Variants in ISM1 observed in about 807,000 individuals in gnomAD.
The protein encoded by ISM1 is isthmin-1.
ISM1 carries 25 observed loss-of-function variants against 46.3 expected under a neutral mutation model. The observed-to-expected ratio is 0.54, with a 90% CI of 0.39 to 0.75. The LOEUF is 0.75. Among genes scored for constraint, ISM1 ranks in the 30% least tolerant of loss-of-function variants. The pLI is 0.00. For missense variants in ISM1, 536 were observed against 625.4 expected (o/e 0.86, Z 1.52); for synonymous variants, 255 against 256.7 (o/e 0.99, Z 0.06).
At chr20:13,277,218 G>A (rs1319843314) in intron 2 of ISM1, among the ~76,000 whole-genome samples, 1 of 152,108 alleles carries the variant, frequency 6.6e-6, no homozygotes, top group Non-Finnish European at 1.5e-5. Context: ...GAAATTGCAG[G>A]GCACGTTTTG....
chr20:13,222,737 C>T lies in ISM1; in HGVS notation c.138+823C>T, dbSNP rs55784111. Among the ~76,000 whole-genome samples, 272 of 152,298 alleles carry T rather than the reference C, an allele frequency of 1.8e-3. 1 individual carries two copies. Among genetic ancestry groups the T allele is most frequent in the African/African-American group, 6.3e-3 (261 of 41,558 alleles). ...GAGTTCTGACTTAGGAATAGAATTG[C>T]CCAGCTAGGCATTTCCTGCCGCTAT... On this transcript the variant is annotated intron_variant, in intron 1 of 5. Transcript: ENST00000262487.
intron 1 of ISM1, among the ~76,000 whole-genome samples, 171 bp downstream of exon 1, chr20:13,222,085 G>T (rs1468294757): frequency 6.6e-6 from 1 of 152,174 alleles, no homozygotes; most frequent in African/African-American, 2.4e-5. Flanking sequence ...GAGGCGGAGC[G>T]GGGGCACGTG....
chr20:13,302,239 A>C (rs6042004), downstream of ISM1, among the ~76,000 whole-genome samples: 794 of 152,252 alleles, frequency 5.2e-3, 11 homozygotes, highest in African/African-American at 0.017. Context: ...GACCTTGCTG[A>C]CCTAATGAAC....
chr20:13,304,353 G>A (rs578143680), downstream of ISM1, among the ~76,000 whole-genome samples: 70 of 152,202 alleles, frequency 4.6e-4, no homozygotes, highest in African/African-American at 1.4e-3. Context: ...CAAAGTGGGC[G>A]GTCATGGGGA....
At chr20:13,259,289 AAAAAC>A (rs2039962278) in intron 1 of ISM1, among the ~76,000 whole-genome samples, 1 of 151,734 alleles carries the variant, frequency 6.6e-6, no homozygotes. Flanking sequence ...TCAAAAAAAA[AAAAAC>A]AAAAACAAAA....
the ISM1 span, among the ~76,000 whole-genome samples, chr20:13,311,384 C>A: frequency 6.6e-6 from 1 of 152,090 alleles, no homozygotes; most frequent in Non-Finnish European, 1.5e-5. Context: ...GAAAGCTCCT[C>A]AAAAAATTAA....
intron 3 of ISM1, among the ~76,000 whole-genome samples, chr20:13,281,975 C>A (rs2040243118): frequency 1.3e-5 from 2 of 152,152 alleles, no homozygotes; most frequent in African/African-American, 4.8e-5. Context: ...ACTAGCATCA[C>A]GTGGAAATGC....
At position 13,227,367 on chromosome 20, in the gene ISM1, C is replaced by A. The variant is rs189015912; in HGVS notation, c.138+5453C>A. 2.2e-4 allele frequency among the ~76,000 whole-genome samples: 34 copies of A among 151,504 alleles called. No individual in the cohort carries two copies. The East Asian group carries it at 6.2e-3, about 28-fold the overall frequency. On this transcript the variant is annotated intron_variant, in intron 1 of 5. Coordinates refer to ENST00000262487, the MANE Select transcript of ISM1 (RefSeq NM_080826.2). Reference sequence around the variant, plus strand: ...TACAGGCACATGCCACCATGCCTAGCTATTTTTTTGTATTTTTAGTGGAGA... The same window carrying A: ...TACAGGCACATGCCACCATGCCTAGATATTTTTTTGTATTTTTAGTGGAGA...
At chr20:13,319,921 C>T in the ISM1 span, among the ~76,000 whole-genome samples, 1 of 152,174 alleles carries the variant, frequency 6.6e-6, no homozygotes, top group Non-Finnish European at 1.5e-5. Context: ...TTCTGGGAAA[C>T]AGGGACAGGG....
intron 1 of ISM1, among the ~76,000 whole-genome samples, chr20:13,260,375 A>G (rs1215286394): frequency 6.6e-6 from 1 of 152,226 alleles, no homozygotes; most frequent in Non-Finnish European, 1.5e-5. Context: ...CAATGAAGCT[A>G]TTACCAAAAA....
chr20:13,258,373 T>C (rs961753198), intron 1 of ISM1, among the ~76,000 whole-genome samples: 4 of 152,036 alleles, frequency 2.6e-5, no homozygotes, highest in Non-Finnish European at 4.4e-5. Context: ...AGATGTGAGC[T>C]CTCCCTGGCT....
the ISM1 span, among the ~76,000 whole-genome samples, chr20:13,325,535 A>G: frequency 1.3e-5 from 2 of 152,266 alleles, no homozygotes; most frequent in Non-Finnish European, 2.9e-5. Flanking sequence ...CCTTTCCCCA[A>G]CTTGTTTCCT....
chr20:13,321,881 A>G, the ISM1 span, among the ~76,000 whole-genome samples: 4 of 152,306 alleles, frequency 2.6e-5, no homozygotes, highest in African/African-American at 9.6e-5. Context: ...TTGACTCCCT[A>G]ATTGGCTGCA....
At chr20:13,296,119 A>G (rs992725554) in intron 5 of ISM1, among the ~76,000 whole-genome samples, 4 of 152,106 alleles carry the variant, frequency 2.6e-5, no homozygotes, top group Non-Finnish European at 5.9e-5. Flanking sequence ...GATATGCCTC[A>G]TCTTACCCAC....
rs566731107 is a variant in ISM1 at position 13,245,794 on chromosome 20, C to G, written c.138+23880C>G. Among the ~76,000 whole-genome samples the G allele has an allele frequency of 2.0e-5, 3 of 152,344 alleles. No homozygotes were observed. In the South Asian group the frequency reaches 6.2e-4, roughly 32 times the overall value. ...TGCTCACAAACTTCCAATCATTCCC[C>G]TTTCCATGACTCAAAACAGATACTG... On this transcript the variant is annotated intron_variant, in intron 1 of 5. Transcript: ENST00000262487.
chr20:13,246,248 G>C (rs1484595419), intron 1 of ISM1, among the ~76,000 whole-genome samples: 1 of 150,332 alleles, frequency 6.7e-6, no homozygotes, highest in South Asian at 2.1e-4. Flanking sequence ...ACTTTAGCCT[G>C]GGCAACACAG....
At chr20:13,306,564 C>CA in the ISM1 span, among the ~76,000 whole-genome samples, 4,568 of 63,828 alleles carry the variant, frequency 0.072, 295 homozygotes, top group Non-Finnish European at 0.082. Flanking sequence ...GGAGAAAGGA[C>CA]AAAAAAAAAA....
At chr20:13,278,870 C>T (rs968852189) in intron 2 of ISM1, among the ~76,000 whole-genome samples, 12 of 152,298 alleles carry the variant, frequency 7.9e-5, no homozygotes, top group African/African-American at 2.9e-4. Context: ...TGGTTCTCCT[C>T]CATGCAGCCT....
At chr20:13,319,258 G>A in the ISM1 span, among the ~76,000 whole-genome samples, 2 of 152,028 alleles carry the variant, frequency 1.3e-5, no homozygotes, top group African/African-American at 4.8e-5. Flanking sequence ...AACCAAACAA[G>A]GCAAGGCCAA....
Sources: gnomAD v4.1 joint callset for allele counts (sites outside exome capture counted in the v4.1 genomes callset) on GRCh38, gnomAD v4.1.1 for gene constraint, MANE v1.5 for transcripts, NCBI Gene and HGNC (gene_info 2026-07-23, HGNC 2026-07-21) for gene names.